RFX3: variants seen among roughly 807,000 people sequenced by gnomAD.
The protein encoded by RFX3 is regulatory factor X3.
Under a neutral mutation model 98.6 loss-of-function variants are expected in RFX3, and 14 were observed. The observed-to-expected ratio is 0.14, with a 90% confidence interval of 0.09 to 0.22. The LOEUF (loss-of-function observed/expected upper bound fraction) is 0.22. RFX3 is among the 10% of genes least tolerant of loss of function. RFX3 has a pLI of 1.00. For synonymous variants in RFX3, 383 were observed against 328.4 expected, an observed-to-expected ratio of 1.17 and a Z score of -1.80; for missense variants, 639 against 926.9, an observed-to-expected ratio of 0.69 and a Z score of 4.03.
chr9:3,322,909 G>A (rs1303184640), intron 4 of RFX3, among the ~76,000 whole-genome samples: 3 of 151,912 alleles, frequency 2.0e-5, no homozygotes, highest in Non-Finnish European at 4.4e-5. Context: ...CATCTTTCCT[G>A]TAATTTTGAA....
intron 1 of RFX3, among the ~76,000 whole-genome samples, chr9:3,411,358 T>A (rs1446948583): frequency 1.3e-5 from 2 of 152,034 alleles, no homozygotes; most frequent in Non-Finnish European, 2.9e-5. Context: ...CTCTCCTCTT[T>A]TTTATTTATT....
chr9:3,337,805 G>A (rs1209269134), intron 3 of RFX3, among the ~76,000 whole-genome samples: 1 of 152,124 alleles, frequency 6.6e-6, no homozygotes, highest in African/African-American at 2.4e-5. Context: ...GTCTTAAATA[G>A]GCCAGAGTTG....
At chr9:3,506,955 A>G (rs1432405693) in intron 1 of RFX3, among the ~76,000 whole-genome samples, 2 of 151,934 alleles carry the variant, frequency 1.3e-5, no homozygotes, top group Non-Finnish European at 2.9e-5. Flanking sequence ...GAACTAGACA[A>G]AATTTTTAAA....
intron 5 of RFX3, 92 bp downstream of exon 5, chr9:3,301,454 A>C (rs565677883): frequency 1.2e-6 from 1 of 866,340 alleles, no homozygotes; most frequent in East Asian, 2.6e-5. Flanking sequence ...GAAGCAAAAT[A>C]AATAAGTAAA....
chr9:3,449,596 A>T (rs1846381600), intron 1 of RFX3, among the ~76,000 whole-genome samples: 1 of 152,204 alleles, frequency 6.6e-6, no homozygotes, highest in African/African-American at 2.4e-5. Context: ...ACAGTGCCCC[A>T]TGCCTTAATC....
intron 1 of RFX3, chr9:3,469,283 T>A (rs899022850): frequency 2.8e-6 from 1 of 351,956 alleles, no homozygotes. Flanking sequence ...TACTATTTCA[T>A]ATACATTATT....
intron 1 of RFX3, among the ~76,000 whole-genome samples, chr9:3,444,807 G>A (rs1845897224): frequency 6.6e-6 from 1 of 152,138 alleles, no homozygotes; most frequent in African/African-American, 2.4e-5. Context: ...CTACACCAAT[G>A]GAATATACTG....
chr9:3,335,579 C>G (rs1833080094), intron 3 of RFX3, among the ~76,000 whole-genome samples: 1 of 152,122 alleles, frequency 6.6e-6, no homozygotes. Context: ...AATCCCCAAG[C>G]AATTCTGTGC....
intron 16 of RFX3, among the ~76,000 whole-genome samples, chr9:3,227,647 A>C (rs1241466007): frequency 6.6e-6 from 1 of 152,130 alleles, no homozygotes; most frequent in Non-Finnish European, 1.5e-5. Flanking sequence ...GAAATCCCTA[A>C]ATTTGGGTTA....
rs141562994 is a variant in RFX3 at position 3,286,988 on chromosome 9, T to C, written c.851+1143A>G. 2.1e-3 allele frequency among the ~76,000 whole-genome samples: 312 copies of C among 152,058 alleles called. 1 individual carries two copies. Among genetic ancestry groups the C allele is most frequent in the Middle Eastern group, 0.014 (4 of 294 alleles). Reference sequence around the variant, plus strand: ...TATTGCCGAAAACTCCTCTGTATTGTGATAGTTCCTTGATCAAAGTTTTAT... The same window carrying C: ...TATTGCCGAAAACTCCTCTGTATTGCGATAGTTCCTTGATCAAAGTTTTAT... On this transcript the variant is annotated intron_variant, in intron 7 of 16. Transcript: ENST00000617270.
chr9:3,317,124 C>G (rs1391979241), intron 4 of RFX3, among the ~76,000 whole-genome samples: 1 of 152,130 alleles, frequency 6.6e-6, no homozygotes, highest in Non-Finnish European at 1.5e-5. Flanking sequence ...AACTATACTA[C>G]AAGGCTACAG....
chr9:3,282,236 A>G (rs923291184), intron 7 of RFX3, among the ~76,000 whole-genome samples: 68 of 151,902 alleles, frequency 4.5e-4, no homozygotes, highest in African/African-American at 1.6e-3. Flanking sequence ...GTAAATATGA[A>G]GAGTTCCACT....
intron 4 of RFX3, among the ~76,000 whole-genome samples, chr9:3,304,434 G>C (rs565058504): frequency 6.6e-6 from 1 of 151,892 alleles, no homozygotes; most frequent in Non-Finnish European, 1.5e-5. Context: ...AATCCAGTAA[G>C]AGAGACAGGG....
intron 1 of RFX3, among the ~76,000 whole-genome samples, chr9:3,415,373 G>A (rs745799597): frequency 6.6e-5 from 10 of 151,336 alleles, no homozygotes; most frequent in Admixed American, 4.6e-4. Flanking sequence ...AGCCACCCTG[G>A]CTAGCCAACC....
chr9:3,233,133 C>A (rs1190099068), intron 15 of RFX3, among the ~76,000 whole-genome samples: 1 of 152,212 alleles, frequency 6.6e-6, no homozygotes, highest in Non-Finnish European at 1.5e-5. Context: ...TGGACAACAG[C>A]AGGCTGGGAA....
chr9:3,424,322 T>A (rs1187688449), intron 1 of RFX3, among the ~76,000 whole-genome samples: 1 of 148,304 alleles, frequency 6.7e-6, no homozygotes, highest in Non-Finnish European at 1.5e-5. Flanking sequence ...ATAGCAACAG[T>A]AGAGTCACTG....
intron 1 of RFX3, among the ~76,000 whole-genome samples, chr9:3,447,211 G>A (rs534640027): frequency 6.6e-6 from 1 of 152,012 alleles, no homozygotes; most frequent in Non-Finnish European, 1.5e-5. Flanking sequence ...GAATTAAAAT[G>A]TCTTTTAAAA....
intron 1 of RFX3, among the ~76,000 whole-genome samples, chr9:3,507,749 G>C (rs1817243797): frequency 6.6e-6 from 1 of 151,882 alleles, no homozygotes; most frequent in Non-Finnish European, 1.5e-5. Context: ...CTAATACAAT[G>C]TAAGTGCTAT....
chr9:3,401,645 C>A (rs780441911), intron 1 of RFX3, among the ~76,000 whole-genome samples: 1 of 152,212 alleles, frequency 6.6e-6, no homozygotes, highest in Non-Finnish European at 1.5e-5. Context: ...TATATTCTTA[C>A]AGGAGAGACA....
Sources: gnomAD v4.1 joint callset for allele counts (sites outside exome capture counted in the v4.1 genomes callset) on GRCh38, gnomAD v4.1.1 for gene constraint, MANE v1.5 for transcripts, NCBI Gene and HGNC (gene_info 2026-07-23, HGNC 2026-07-21) for gene names.